L3MBTL4: variants seen among roughly 807,000 people sequenced by gnomAD.
The protein encoded by L3MBTL4 is L3MBTL histone methyl-lysine binding protein 4, also known as lethal(3)malignant brain tumor-like protein 4.
A neutral mutation model predicts 84.5 loss-of-function variants in L3MBTL4; 70 were observed. The ratio of observed to expected loss-of-function variants is 0.83; its 90% CI spans 0.68 to 1.01. The LOEUF (loss-of-function observed/expected upper bound fraction) is 1.01. Among genes scored for constraint, L3MBTL4 ranks in the 50% least tolerant of loss-of-function variants. L3MBTL4 has a pLI of 0.00. For synonymous variants in L3MBTL4, 274 were observed against 259.8 expected, an observed-to-expected ratio of 1.05 and a Z score of -0.52; for missense variants, 715 against 754.8, an observed-to-expected ratio of 0.95 and a Z score of 0.62.
rs1246723607 is a variant in L3MBTL4 at position 6,118,658 on chromosome 18, CTT to C, written c.1199+19534_1199+19535del. 5.3e-5 allele frequency among the ~76,000 whole-genome samples: 8 copies of C among 152,270 alleles called. No homozygotes were observed. In the East Asian group the frequency reaches 1.3e-3, roughly 26 times the overall value. On this transcript the variant is annotated intron_variant, in intron 14 of 18. Coordinates refer to ENST00000317931, the MANE Select transcript of L3MBTL4 (RefSeq NM_001330559.2). ...TTTATTGAAGATATTAATGCAAACT[CTT>C]TTACTTTTTCACAAATCTTAAGTTT... is the stretch of plus-strand genomic sequence containing the variant.
chr18:5,981,341 T>C (rs1442689638), intron 16 of L3MBTL4, among the ~76,000 whole-genome samples: 3 of 152,240 alleles, frequency 2.0e-5, no homozygotes, highest in Admixed American at 1.3e-4. Flanking sequence ...AGTTCTTTGT[T>C]ATACAAGTAA....
intron 13 of L3MBTL4, among the ~76,000 whole-genome samples, chr18:6,157,027 C>T (rs1054110859): frequency 3.0e-4 from 45 of 152,152 alleles, no homozygotes; most frequent in Non-Finnish European, 5.4e-4. Context: ...CAACAAGGAA[C>T]ATTTAAAACA....
At chr18:6,321,907 G>A (rs941688180) in intron 1 of L3MBTL4, among the ~76,000 whole-genome samples, 2 of 151,998 alleles carry the variant, frequency 1.3e-5, no homozygotes, top group African/African-American at 4.8e-5. Context: ...GGGGAGGCTA[G>A]AAAGGGGGTG....
At chr18:6,129,196 C>T (rs2059795179) in intron 14 of L3MBTL4, among the ~76,000 whole-genome samples, 1 of 152,182 alleles carries the variant, frequency 6.6e-6, no homozygotes, top group African/African-American at 2.4e-5. Context: ...ATTCCAAGAG[C>T]TGCACCTCTA....
intron 1 of L3MBTL4, among the ~76,000 whole-genome samples, chr18:6,315,606 G>C (rs2051051408): frequency 6.6e-6 from 1 of 152,122 alleles, no homozygotes; most frequent in African/African-American, 2.4e-5. Flanking sequence ...TACAATTCTG[G>C]GGTCCCTCTT....
At chr18:6,295,346 C>CTCTCTCTCTCTCTCTA (rs1261475809) in intron 4 of L3MBTL4, among the ~76,000 whole-genome samples, 1 of 81,382 alleles carries the variant, frequency 1.2e-5, no homozygotes, top group African/African-American at 6.6e-5. Flanking sequence ...CTCTCTCTCT[C>CTCTCTCTCTCTCTCTA]TATATATATA....
chr18:6,389,600 T>G (rs958968073), intron 1 of L3MBTL4, among the ~76,000 whole-genome samples: 5 of 151,934 alleles, frequency 3.3e-5, no homozygotes, highest in Non-Finnish European at 7.4e-5. Context: ...GATAAACAGG[T>G]GGAAACAAAT....
intron 16 of L3MBTL4, among the ~76,000 whole-genome samples, chr18:6,016,580 G>A (rs1013899941): frequency 5.9e-5 from 9 of 152,132 alleles, no homozygotes; most frequent in Admixed American, 2.0e-4. Context: ...GAGACACACC[G>A]AGTAGTGTAC....
Position 6,176,836 on chromosome 18 carries a change from G to A in L3MBTL4, c.982-4894C>T, listed in dbSNP as rs139128718. 4.1e-4 allele frequency among the ~76,000 whole-genome samples: 63 copies of A among 152,036 alleles called. 1 individual carries two copies. Among genetic ancestry groups the A allele is most frequent in the African/African-American group, 1.4e-3 (60 of 41,494 alleles). On this transcript the variant is annotated intron_variant, in intron 12 of 18. Coordinates refer to ENST00000317931, the MANE Select transcript of L3MBTL4 (RefSeq NM_001330559.2). ...AATTCAATGTAAAAAATGAGCAAAA[G>A]ACTCAATGAACATTTTGGAAAAAAA...
intron 1 of L3MBTL4, among the ~76,000 whole-genome samples, chr18:6,361,932 A>G (rs1438343675): frequency 6.6e-6 from 1 of 151,902 alleles, no homozygotes; most frequent in Non-Finnish European, 1.5e-5. Flanking sequence ...CCTGAGAAAC[A>G]TAGTGAGACC....
chr18:6,140,848 C>A (rs981917698), intron 13 of L3MBTL4, among the ~76,000 whole-genome samples: 14 of 151,958 alleles, frequency 9.2e-5, no homozygotes, highest in African/African-American at 3.1e-4. Context: ...TTGTTCAGAG[C>A]AAACCTCTCA....
At chr18:6,202,434 G>C (rs554194384) in intron 12 of L3MBTL4, among the ~76,000 whole-genome samples, 3 of 152,120 alleles carry the variant, frequency 2.0e-5, no homozygotes, top group Non-Finnish European at 2.9e-5. Flanking sequence ...ATGTGGTCCA[G>C]TCCATATGTT....
intron 4 of L3MBTL4, among the ~76,000 whole-genome samples, chr18:6,278,192 G>T (rs2049171590): frequency 6.6e-6 from 1 of 151,988 alleles, no homozygotes; most frequent in Admixed American, 6.6e-5. Flanking sequence ...GAATTGAAGG[G>T]TTTTAATGTT....
intron 14 of L3MBTL4, among the ~76,000 whole-genome samples, chr18:6,105,183 ATTTTTT>A (rs869169400): frequency 2.0e-5 from 2 of 100,424 alleles, no homozygotes; most frequent in African/African-American, 9.0e-5. Flanking sequence ...AACACCACCA[ATTTTTT>A]TTTTTTTTTT....
intron 13 of L3MBTL4, among the ~76,000 whole-genome samples, chr18:6,145,754 T>C (rs2042623484): frequency 6.6e-6 from 1 of 152,208 alleles, no homozygotes; most frequent in African/African-American, 2.4e-5. Context: ...TTACTGAGGG[T>C]TATCCATTCA....
intron 16 of L3MBTL4, among the ~76,000 whole-genome samples, chr18:5,977,869 T>C (rs1387124973): frequency 6.6e-6 from 1 of 151,968 alleles, no homozygotes; most frequent in Admixed American, 6.5e-5. Flanking sequence ...AGGAGGTAAG[T>C]CCTGCCTCCC....
chr18:6,342,211 TA>T (rs1300547615), intron 1 of L3MBTL4, among the ~76,000 whole-genome samples: 1 of 152,154 alleles, frequency 6.6e-6, no homozygotes, highest in Non-Finnish European at 1.5e-5. Context: ...CTGGTAAAGG[TA>T]AGCACATAAT....
At chr18:6,105,277 G>A (rs1040166688) in intron 14 of L3MBTL4, among the ~76,000 whole-genome samples, 2 of 139,354 alleles carry the variant, frequency 1.4e-5, no homozygotes, top group Non-Finnish European at 3.0e-5. Flanking sequence ...GGCAACCTCC[G>A]CCTCCAGGGT....
chr18:6,329,399 C>T (rs1345730319), intron 1 of L3MBTL4, among the ~76,000 whole-genome samples: 27 of 151,914 alleles, frequency 1.8e-4, no homozygotes, highest in Non-Finnish European at 1.5e-5. Context: ...ACGATCCACC[C>T]GCCTCAGCCT....
Sources: gnomAD v4.1 joint callset for allele counts (sites outside exome capture counted in the v4.1 genomes callset) on GRCh38, gnomAD v4.1.1 for gene constraint, MANE v1.5 for transcripts, NCBI Gene and HGNC (gene_info 2026-07-23, HGNC 2026-07-21) for gene names.